The following GALNT17 variants were observed in gnomAD, a reference collection of about 807,000 sequenced individuals.
GALNT17 encodes UDP-GalNAc:polypeptide N-acetylgalactosaminyltransferase-like 3.
Under a neutral mutation model 63.7 loss-of-function variants are expected in GALNT17, and 29 were observed. The ratio of observed to expected loss-of-function variants is 0.46; its 90% CI spans 0.34 to 0.62. The LOEUF (loss-of-function observed/expected upper bound fraction) is 0.62. GALNT17 is among the 20% of genes least tolerant of loss of function. The pLI, the probability that GALNT17 is intolerant of heterozygous loss-of-function variation, is 0.01. For synonymous variants in GALNT17, 305 were observed against 318.3 expected (o/e 0.96, Z 0.45); for missense variants, 603 against 799.6 (o/e 0.75, Z 2.97).
At chr7:71,685,773 C>T (rs1384565460) in intron 9 of GALNT17, 1 of 152,084 alleles carries the variant, frequency 6.6e-6, no homozygotes, top group Non-Finnish European at 1.5e-5. Context: ...TAGGATAATG[C>T]TGTGAATTAG....
chr7:71,290,279 G>A (rs539885186), intron 1 of GALNT17, among the ~76,000 whole-genome samples: 3 of 152,322 alleles, frequency 2.0e-5, no homozygotes, highest in African/African-American at 7.2e-5. Flanking sequence ...GTGAATGTGT[G>A]TGTCCTCTTG....
chr7:71,543,697 C>T (rs1229350210), intron 5 of GALNT17, among the ~76,000 whole-genome samples: 3 of 81,972 alleles, frequency 3.7e-5, no homozygotes, highest in Non-Finnish European at 8.3e-5. Flanking sequence ...AGCGTTTCAG[C>T]AGGTTTTTTT....
chr7:71,603,133 C>T (rs542595474), intron 6 of GALNT17, among the ~76,000 whole-genome samples: 1 of 148,982 alleles, frequency 6.7e-6, no homozygotes, highest in African/African-American at 2.5e-5. Context: ...GTGCATATAC[C>T]AGATACTATG....
At chr7:71,138,536 A>C (rs1787828757) in intron 1 of GALNT17, among the ~76,000 whole-genome samples, 1 of 152,188 alleles carries the variant, frequency 6.6e-6, no homozygotes, top group Non-Finnish European at 1.5e-5. Flanking sequence ...TCAAGGGGTC[A>C]ACAGCATATT....
chr7:71,556,423 C>A (rs1789163359), intron 5 of GALNT17, among the ~76,000 whole-genome samples: 1 of 152,184 alleles, frequency 6.6e-6, no homozygotes, highest in Non-Finnish European at 1.5e-5. Context: ...TTAGACACTG[C>A]AGATCCAGCC....
chr7:71,415,501 A>G (rs964817254), intron 3 of GALNT17, among the ~76,000 whole-genome samples: 1 of 152,180 alleles, frequency 6.6e-6, no homozygotes, highest in African/African-American at 2.4e-5. Context: ...ACGTACTGTA[A>G]GAACGAGTCT....
At chr7:71,362,683 T>G (rs1792426532) in intron 2 of GALNT17, among the ~76,000 whole-genome samples, 1 of 152,184 alleles carries the variant, frequency 6.6e-6, no homozygotes, top group South Asian at 2.1e-4. Flanking sequence ...AGTGGCATTT[T>G]TCTTGGCAAA....
At chr7:71,286,549 C>G (rs1199869586) in intron 1 of GALNT17, among the ~76,000 whole-genome samples, 1 of 150,590 alleles carries the variant, frequency 6.6e-6, no homozygotes, top group Non-Finnish European at 1.5e-5. Context: ...CTTGCCAGGG[C>G]TTTTTCCATC....
At chr7:71,185,353 AT>A (rs1378538361) in intron 1 of GALNT17, among the ~76,000 whole-genome samples, 4 of 147,420 alleles carry the variant, frequency 2.7e-5, no homozygotes, top group Non-Finnish European at 6.0e-5. Context: ...CTACAGGCAC[AT>A]GCCACCATGC....
At chr7:71,325,356 G>T (rs1348761292) in intron 1 of GALNT17, among the ~76,000 whole-genome samples, 1 of 152,180 alleles carries the variant, frequency 6.6e-6, no homozygotes, top group Non-Finnish European at 1.5e-5. Flanking sequence ...TGCATGACAT[G>T]CTGGCTCTTT....
intron 2 of GALNT17, among the ~76,000 whole-genome samples, chr7:71,345,067 A>G (rs1792066383): frequency 6.6e-6 from 1 of 151,964 alleles, no homozygotes; most frequent in African/African-American, 2.4e-5. Context: ...CTGTGTTTGT[A>G]AGAAGATAAC....
At chr7:71,365,813 G>C (rs980230723) in intron 2 of GALNT17, among the ~76,000 whole-genome samples, 3 of 152,172 alleles carry the variant, frequency 2.0e-5, no homozygotes, top group South Asian at 2.1e-4. Context: ...TGGGGGTGAG[G>C]GGTGGGTTGG....
chr7:71,664,572 C>G (rs1034948841), intron 6 of GALNT17, among the ~76,000 whole-genome samples: 1 of 152,188 alleles, frequency 6.6e-6, no homozygotes, highest in African/African-American at 2.4e-5. Flanking sequence ...GATCGCACCA[C>G]TGCACTCCAG....
chr7:71,521,529 A>G (rs1403453741), intron 5 of GALNT17, among the ~76,000 whole-genome samples: 2 of 152,198 alleles, frequency 1.3e-5, no homozygotes, highest in African/African-American at 4.8e-5. Context: ...TCCTTGTGCT[A>G]ATGTGGCAGC....
At chr7:71,173,634 A>G (rs1282627782) in intron 1 of GALNT17, among the ~76,000 whole-genome samples, 1 of 152,094 alleles carries the variant, frequency 6.6e-6, no homozygotes, top group African/African-American at 2.4e-5. Context: ...TTAGCTGGGC[A>G]TGGCGGTGCA....
intron 9 of GALNT17, among the ~76,000 whole-genome samples, chr7:71,690,087 C>T (rs1584140391): frequency 6.6e-6 from 1 of 150,838 alleles, no homozygotes; most frequent in East Asian, 2.0e-4. Flanking sequence ...TGCAGTGGCG[C>T]AATCTCGGCT....
intron 6 of GALNT17, among the ~76,000 whole-genome samples, chr7:71,657,228 A>G (rs1485368282): frequency 6.6e-6 from 1 of 152,220 alleles, no homozygotes; most frequent in Non-Finnish European, 1.5e-5. Context: ...TAGAGGGACA[A>G]GAGGAATATA....
chr7:71,394,671 G>A (rs1233876900), intron 3 of GALNT17, among the ~76,000 whole-genome samples: 1 of 152,200 alleles, frequency 6.6e-6, no homozygotes, highest in East Asian at 1.9e-4. Flanking sequence ...TGGGTGACCA[G>A]GATGGAGGAA....
intron 1 of GALNT17, among the ~76,000 whole-genome samples, chr7:71,239,681 A>G (rs1789959252): frequency 2.0e-5 from 3 of 152,184 alleles, no homozygotes; most frequent in South Asian, 4.1e-4. Context: ...CTGAAACGGC[A>G]CAGCTGAGCA....
Sources: allele counts gnomAD v4.1 joint callset (sites outside exome capture counted in the v4.1 genomes callset), GRCh38; gene constraint gnomAD v4.1.1; transcripts MANE v1.5; gene names NCBI Gene and HGNC (gene_info 2026-07-23, HGNC 2026-07-21).